The following LRRC1 variants were observed in gnomAD, a reference collection of about 807,000 sequenced individuals.
LRRC1 encodes leucine-rich repeat-containing protein 1.
LRRC1 carries 28 observed loss-of-function variants against 69.9 expected under a neutral mutation model. The ratio of observed to expected loss-of-function variants is 0.40; its 90% CI spans 0.30 to 0.55. The LOEUF (loss-of-function observed/expected upper bound fraction) is 0.55, where lower values mean the gene tolerates loss of function less well. Ranked by LOEUF, LRRC1 falls within the 20% of genes least tolerant of loss-of-function variation. LRRC1 has a pLI of 0.47. For missense variants in LRRC1, 498 were observed against 609.0 expected, an observed-to-expected ratio of 0.82 and a Z score of 1.92; for synonymous variants, 236 against 240.2, an observed-to-expected ratio of 0.98 and a Z score of 0.16.
intron 1 of LRRC1, 87 bp from the exon 2 acceptor site, chr6:53,842,023 A>G: frequency 1.3e-6 from 1 of 787,894 alleles, no homozygotes; most frequent in Non-Finnish European, 2.1e-6. Flanking sequence ...TTAGTTTTTA[A>G]AAGACATTGT....
In LRRC1 at chr6:53,899,719, C is replaced by A. The variant is rs757488621; in HGVS notation, c.643-28C>A. On this transcript the variant is annotated intron_variant, in intron 7 of 13. Coordinates refer to ENST00000370888, the MANE Select transcript of LRRC1 (RefSeq NM_018214.5). ...CTGCACTGTGGCAGGTTTAAGTGTG[C>A]GTTTATTTTTCCATGTCATTGTTAT... is the stretch of plus-strand genomic sequence containing the variant. 8.1e-6 allele frequency: 13 copies of A among 1,609,248 alleles called. No homozygotes were observed. In the East Asian group the frequency reaches 2.2e-4, roughly 28 times the overall value.
intron 4 of LRRC1, among the ~76,000 whole-genome samples, chr6:53,892,158 T>C (rs544574321): frequency 1.4e-4 from 21 of 152,144 alleles, no homozygotes; most frequent in African/African-American, 4.8e-4. Context: ...AGAATGCAGA[T>C]TCCCTGGTGA....
intron 4 of LRRC1, among the ~76,000 whole-genome samples, chr6:53,891,641 A>G (rs9463995): frequency 6.6e-6 from 1 of 152,104 alleles, no homozygotes; most frequent in East Asian, 1.9e-4. Context: ...GGGAAGCTGG[A>G]TTGATGGGGG....
intron 1 of LRRC1, among the ~76,000 whole-genome samples, chr6:53,818,343 A>C (rs998421862): frequency 2.6e-5 from 4 of 152,192 alleles, no homozygotes. Context: ...ATACCAGTGT[A>C]TCAAGATAGA....
chr6:53,824,849 A>G (rs1468833233), intron 1 of LRRC1, among the ~76,000 whole-genome samples: 1 of 152,220 alleles, frequency 6.6e-6, no homozygotes, highest in East Asian at 1.9e-4. Context: ...AGTTCCTTTG[A>G]TAAAACCATA....
At chr6:53,919,303 G>GAAGC in intron 11 of LRRC1, 195 bp from the exon 12 acceptor site, 1 of 305,612 alleles carries the variant, frequency 3.3e-6, no homozygotes, top group Non-Finnish European at 5.8e-6. Flanking sequence ...GCAGAAAAGG[G>GAAGC]AAGCACAGGA....
chr6:53,852,592 T>C (rs1252885937), intron 2 of LRRC1, among the ~76,000 whole-genome samples: 1 of 152,214 alleles, frequency 6.6e-6, no homozygotes, highest in Admixed American at 6.5e-5. Context: ...CCCCAAATCA[T>C]ACTCCTAGTT....
intron 11 of LRRC1, among the ~76,000 whole-genome samples, chr6:53,917,623 G>A (rs757389837): frequency 6.6e-6 from 1 of 152,134 alleles, no homozygotes; most frequent in African/African-American, 2.4e-5. Flanking sequence ...TCTGTGTTTT[G>A]TGCCAGTTTT....
At chr6:53,869,117 G>A (rs1449311468) in intron 2 of LRRC1, among the ~76,000 whole-genome samples, 1 of 152,144 alleles carries the variant, frequency 6.6e-6, no homozygotes, top group Non-Finnish European at 1.5e-5. Context: ...ATGGCTGTTC[G>A]GATTTGATGG....
intron 4 of LRRC1, among the ~76,000 whole-genome samples, chr6:53,896,059 C>G (rs1767860353): frequency 6.6e-6 from 1 of 152,210 alleles, no homozygotes; most frequent in Non-Finnish European, 1.5e-5. Flanking sequence ...TGATCTCTCA[C>G]TGATACTGGG....
In LRRC1 at chr6:53,899,883, A is replaced by G; in HGVS notation, c.779A>G (p.Asp260Gly). 6.2e-7 allele frequency: 1 copy of G among 1,613,928 alleles called. No individual in the cohort carries two copies. The highest frequency in any genetic ancestry group is 1.1e-5 in the South Asian group (1 of 91,026). The change falls in exon 8 of 14, where the codon GAT (aspartate) becomes GGT (glycine). Residue 260 changes from aspartate (D) to glycine (G), a missense_variant. Asp to Gly is a moderately conservative substitution (Grantham distance 94). Coordinates refer to ENST00000370888, the MANE Select transcript of LRRC1 (RefSeq NM_018214.5). ...ISQNLLETIP[D>G]GIGKLKKLSI... ...CAGAACTTATTAGAAACGATTCCGGATGGCATTGGTAAGCATTGGAAATCA... is the reference window on the plus strand; with the variant it reads ...CAGAACTTATTAGAAACGATTCCGGGTGGCATTGGTAAGCATTGGAAATCA...
At chr6:53,899,933 C>T (rs376159699) in intron 8 of LRRC1, 42 bp downstream of exon 8, 49 of 1,575,746 alleles carry the variant, frequency 3.1e-5, no homozygotes, top group African/African-American at 1.8e-4. Flanking sequence ...TACTGCCTGC[C>T]GTCGTCTTGA....
intron 2 of LRRC1, among the ~76,000 whole-genome samples, chr6:53,859,296 G>A (rs887701431): frequency 6.6e-6 from 1 of 152,088 alleles, no homozygotes; most frequent in African/African-American, 2.4e-5. Context: ...TCTCCCAAGT[G>A]GGCTCTGGAA....
intron 2 of LRRC1, among the ~76,000 whole-genome samples, chr6:53,872,460 A>G (rs1019995621): frequency 6.6e-6 from 1 of 152,166 alleles, no homozygotes; most frequent in Non-Finnish European, 1.5e-5. Context: ...TGCTAGTACC[A>G]TACTGTTTTG....
At chr6:53,838,129 A>G (rs1194734016) in intron 1 of LRRC1, among the ~76,000 whole-genome samples, 2 of 152,340 alleles carry the variant, frequency 1.3e-5, no homozygotes, top group Non-Finnish European at 2.9e-5. Flanking sequence ...TGACTCTCTA[A>G]GGAAGCTGAA....
intron 1 of LRRC1, among the ~76,000 whole-genome samples, chr6:53,819,456 G>A (rs1261528123): frequency 3.9e-5 from 6 of 152,070 alleles, no homozygotes; most frequent in Admixed American, 3.3e-4. Context: ...TGAATACATA[G>A]TAAGCCCTGG....
At chr6:53,918,702 T>G (rs1581921521) in intron 11 of LRRC1, among the ~76,000 whole-genome samples, 1 of 152,376 alleles carries the variant, frequency 6.6e-6, no homozygotes, top group East Asian at 1.9e-4. Flanking sequence ...TTTCTGGCAG[T>G]GGTCTTTACT....
chr6:53,840,909 TGTGTGTGTGTGTGTGTGTGC>T (rs1251003715), intron 1 of LRRC1, among the ~76,000 whole-genome samples: 13 of 142,506 alleles, frequency 9.1e-5, no homozygotes, highest in Middle Eastern at 3.8e-3. Flanking sequence ...TGTGTGTGTG[TGTGTGTGTGTGTGTGTGTGC>T]GTGCGCGCAC....
At chr6:53,817,152 C>T (rs1764973813) in intron 1 of LRRC1, among the ~76,000 whole-genome samples, 3 of 152,296 alleles carry the variant, frequency 2.0e-5, no homozygotes, top group Non-Finnish European at 4.4e-5. Flanking sequence ...TGCATACCAC[C>T]TAGCTGGCTC....
Sources: gnomAD v4.1 joint callset for allele counts (sites outside exome capture counted in the v4.1 genomes callset) on GRCh38, gnomAD v4.1.1 for gene constraint, MANE v1.5 for transcripts, NCBI Gene and HGNC (gene_info 2026-07-23, HGNC 2026-07-21) for gene names.